The following SLC6A15 variants were observed in gnomAD, a reference collection of about 807,000 sequenced individuals.
SLC6A15 encodes the protein solute carrier family 6 member 15, also known as sodium-dependent neutral amino acid transporter B(0)AT2.
SLC6A15 carries 33 observed loss-of-function variants against 68.5 expected under a neutral mutation model. That is an observed-to-expected ratio of 0.48 (90% CI 0.37 to 0.64). The LOEUF (loss-of-function observed/expected upper bound fraction) is 0.64. SLC6A15 is among the 30% of genes least tolerant of loss of function. The pLI is 0.00. For synonymous variants in SLC6A15, 347 were observed against 301.0 expected (o/e 1.15, Z -1.58); for missense variants, 747 against 874.3 (o/e 0.85, Z 1.84).
chr12:84,883,139 G>A (rs1871902654), intron 5 of SLC6A15: 1 of 978,074 alleles, frequency 1.0e-6, no homozygotes, highest in African/African-American at 1.9e-5. Context: ...TTAGAACAAT[G>A]GCTGTGATAA....
At chr12:84,877,949 T>C (rs973524751) in intron 5 of SLC6A15, among the ~76,000 whole-genome samples, 2 of 152,114 alleles carry the variant, frequency 1.3e-5, no homozygotes, top group Non-Finnish European at 2.9e-5. Context: ...AACTCTATCA[T>C]ATGTATCTGT....
chr12:84,906,480 A>C (rs1388091856), intron 1 of SLC6A15, among the ~76,000 whole-genome samples: 2 of 152,170 alleles, frequency 1.3e-5, no homozygotes, highest in African/African-American at 4.8e-5. Flanking sequence ...AGCTACAACA[A>C]TTTTAAACAG....
chr12:84,900,143 G>T (rs914169783), intron 1 of SLC6A15, among the ~76,000 whole-genome samples: 4 of 151,950 alleles, frequency 2.6e-5, no homozygotes, highest in Non-Finnish European at 4.4e-5. Context: ...TTTATTTCAT[G>T]TCTTTAATTT....
At position 84,880,224 on chromosome 12, in the gene SLC6A15, T is replaced by G. The variant is rs78112526; in HGVS notation, c.757-3617A>C. Among the ~76,000 whole-genome samples, 904 of 152,280 alleles carry G rather than the reference T, an allele frequency of 5.9e-3. 12 individuals carry two copies. The highest frequency in any genetic ancestry group is 0.021 in the African/African-American group (862 of 41,570). ...GCAGGTAAGAGGACAAAATATTTCA[T>G]TTTTAAATTCCATGATTTAAAAAGA... On this transcript the variant is annotated intron_variant, in intron 5 of 11. Coordinates refer to ENST00000266682, the MANE Select transcript of SLC6A15 (RefSeq NM_182767.6).
At chr12:84,883,256 T>A (rs1214040546) in intron 5 of SLC6A15, 19 of 985,364 alleles carry the variant, frequency 1.9e-5, no homozygotes, top group African/African-American at 7.0e-5. Flanking sequence ...AGAATTCACT[T>A]AATGTCTTTT....
Position 84,873,144 on chromosome 12 carries a change from A to T in SLC6A15, c.1052T>A (p.Val351Glu). Residue 351 changes from valine (V) to glutamate (E), a missense_variant, in exon 7 of 12, where the codon GTG (valine) becomes GAG (glutamate). Physicochemically the swap from Val to Glu is moderately radical, Grantham distance 121 (BLOSUM62 -2). Coordinates refer to ENST00000266682, the MANE Select transcript of SLC6A15 (RefSeq NM_182767.6). The part of the protein sequence containing the change: ...NFFTSVLATL[V>E]VFAVLGFKAN... Reference sequence around the variant, plus strand: ...TTTGAAGCCCAGAACTGCAAACACCACCAATGTTGCCAGGACAGAAGTGAA... The same window carrying T: ...TTTGAAGCCCAGAACTGCAAACACCTCCAATGTTGCCAGGACAGAAGTGAA... The T allele has an allele frequency of 6.2e-7, 1 of 1,614,106 alleles. No individual in the cohort carries two copies.
intron 11 of SLC6A15, among the ~76,000 whole-genome samples, chr12:84,862,802 T>C (rs147781351): frequency 6.6e-6 from 1 of 152,164 alleles, no homozygotes; most frequent in Non-Finnish European, 1.5e-5. Context: ...TATTGATTGA[T>C]TGAGTGATTG....
chr12:84,905,955 C>T (rs1873129348), intron 1 of SLC6A15, among the ~76,000 whole-genome samples: 1 of 152,122 alleles, frequency 6.6e-6, no homozygotes, highest in Non-Finnish European at 1.5e-5. Flanking sequence ...AATCTGTTCT[C>T]CATACTTATT....
intron 1 of SLC6A15, among the ~76,000 whole-genome samples, chr12:84,902,055 A>G (rs1872908785): frequency 6.6e-6 from 1 of 151,900 alleles, no homozygotes; most frequent in South Asian, 2.1e-4. Flanking sequence ...TTTCATCAAG[A>G]GATTTCATGA....
intron 11 of SLC6A15, among the ~76,000 whole-genome samples, chr12:84,862,549 T>A (rs1404874074): frequency 6.6e-6 from 1 of 152,126 alleles, no homozygotes; most frequent in African/African-American, 2.4e-5. Context: ...TTATTAACCA[T>A]AGGATAGTTA....
chr12:84,873,167 G>A lies in SLC6A15; in HGVS notation c.1029C>T (p.Phe343=). Residue 343 remains phenylalanine (F), a synonymous_variant, in exon 7 of 12, where the codon TTC becomes TTT. Coordinates refer to ENST00000266682, the MANE Select transcript of SLC6A15 (RefSeq NM_182767.6). ...DAVLVSFINF[F]TSVLATLVVF... is the part of the protein sequence containing the mutation. ...CCACCAATGTTGCCAGGACAGAAGTGAAAAAATTGATGAAGGACACCAGGA... is the reference window on the plus strand; with the variant it reads ...CCACCAATGTTGCCAGGACAGAAGTAAAAAAATTGATGAAGGACACCAGGA... 1 of 1,614,044 alleles carries A rather than the reference G, an allele frequency of 6.2e-7. No individual in the cohort carries two copies. Among genetic ancestry groups the A allele is most frequent in the Non-Finnish European group, 8.5e-7 (1 of 1,179,966 alleles).
chr12:84,867,930 T>C (rs1006313480), intron 9 of SLC6A15: 1 of 152,190 alleles, frequency 6.6e-6, no homozygotes, highest in African/African-American at 2.4e-5. Context: ...ATTCATATAA[T>C]ATTCCCATAT....
Position 84,885,541 on chromosome 12 carries a change from G to C in SLC6A15, c.468C>G (p.Leu156=), listed in dbSNP as rs1872059202. 6.2e-7 allele frequency: 1 copy of C among 1,613,164 alleles called. No individual in the cohort carries two copies. Among genetic ancestry groups the C allele is most frequent in the Non-Finnish European group, 8.5e-7 (1 of 1,179,542 alleles). The change falls in exon 4 of 12, where the codon CTC becomes CTG. Residue 156 remains leucine (L), a synonymous_variant. Transcript: ENST00000266682. ...ASCVVCYFVA[L]YYNVIIGWSL... ...TCCAGCCAATGATGACGTTGTAGTA[G>C]AGAGCTACAAAATAGCACACCTGCA...
chr12:84,874,388 G>A (rs1309727723), intron 6 of SLC6A15: 1 of 152,064 alleles, frequency 6.6e-6, no homozygotes, highest in East Asian at 1.9e-4. Flanking sequence ...CATACACACC[G>A]GTAAGCATTT....
At position 84,891,913 on chromosome 12, in the gene SLC6A15, A is replaced by T; in HGVS notation, c.208T>A (p.Tyr70Asn). The change falls in exon 2 of 12, where the codon TAC becomes AAC. Residue 70 changes from tyrosine to asparagine, a missense_variant. By Grantham distance (143) the Tyr-to-Asn change is moderately radical. Coordinates refer to ENST00000266682, the MANE Select transcript of SLC6A15 (RefSeq NM_182767.6). ...GAAAATCCAACTTGGGCCAGGATGT[A>T]TTGTAGTTTACTGTTCCAAGCTGGT... is the stretch of plus-strand genomic sequence containing the variant. ...ERPAWNSKLQ[Y>N]ILAQVGFSVG... The T allele has an allele frequency of 6.2e-7, 1 of 1,614,048 alleles. No homozygotes were observed. The highest frequency in any genetic ancestry group is 1.3e-5 in the African/African-American group (1 of 75,028).
chr12:84,862,640 C>G (rs1052039084), intron 11 of SLC6A15, among the ~76,000 whole-genome samples: 1 of 151,966 alleles, frequency 6.6e-6, no homozygotes, highest in Admixed American at 6.6e-5. Flanking sequence ...TATTATTCAG[C>G]TTGAGAATAG....
rs530118343 is a variant in SLC6A15 at position 84,881,663 on chromosome 12, T to G, written c.756+2196A>C. 338 of 974,532 alleles carry G rather than the reference T, an allele frequency of 3.5e-4. 1 individual carries two copies. The highest frequency in any genetic ancestry group is 3.9e-4 in the Non-Finnish European group (320 of 820,048). The allele number at this position is 974,532 out of a possible 1,614,324, so 60.4% of individuals were successfully genotyped here. ...AAGCACATCACCAGCTGACTCATTC[T>G]TCTTTTAGCTGCTAAATCCTCTAAG... On this transcript the variant is annotated intron_variant, in intron 5 of 11. Coordinates refer to ENST00000266682, the MANE Select transcript of SLC6A15 (RefSeq NM_182767.6).
intron 6 of SLC6A15, among the ~76,000 whole-genome samples, chr12:84,874,804 C>G (rs879579693): frequency 6.6e-6 from 1 of 152,170 alleles, no homozygotes; most frequent in African/African-American, 2.4e-5. Flanking sequence ...TGAACTAAAT[C>G]TCCACTCACT....
intron 1 of SLC6A15, among the ~76,000 whole-genome samples, chr12:84,892,744 G>A (rs138219805): frequency 1.2e-4 from 18 of 152,022 alleles, no homozygotes; most frequent in African/African-American, 3.1e-4. Context: ...TCAAACATTC[G>A]TCATTCACTC....
Sources: allele counts gnomAD v4.1 joint callset (sites outside exome capture counted in the v4.1 genomes callset), GRCh38; gene constraint gnomAD v4.1.1; transcripts MANE v1.5; gene names NCBI Gene and HGNC (gene_info 2026-07-23, HGNC 2026-07-21).